ATXN2: variants seen among roughly 807,000 people sequenced by gnomAD.
The protein encoded by ATXN2 is ataxin-2.
Under a neutral mutation model 138.6 loss-of-function variants are expected in ATXN2, and 37 were observed. The ratio of observed to expected loss-of-function variants is 0.27; its 90% confidence interval spans 0.21 to 0.35. The LOEUF (loss-of-function observed/expected upper bound fraction) is 0.35, where lower values mean the gene tolerates loss of function less well. Among genes scored for constraint, ATXN2 ranks in the 10% least tolerant of loss-of-function variants. ATXN2 has a pLI of 1.00. For missense variants in ATXN2, 1,216 were observed against 1,480.3 expected (o/e 0.82, Z 2.93); for synonymous variants, 549 against 543.7 (o/e 1.01, Z -0.13).
At chr12:111,521,534 G>C (rs1880157194) in intron 6 of ATXN2, among the ~76,000 whole-genome samples, 1 of 152,170 alleles carries the variant, frequency 6.6e-6, no homozygotes, top group African/African-American at 2.4e-5. Flanking sequence ...CCTTCCTCCT[G>C]GGAATGCTCA....
At chr12:111,459,925 C>T (rs1875437420) in intron 21 of ATXN2, among the ~76,000 whole-genome samples, 1 of 152,066 alleles carries the variant, frequency 6.6e-6, no homozygotes, top group Non-Finnish European at 1.5e-5. Context: ...CCATGTTGGC[C>T]AGGCTGGTCT....
intron 5 of ATXN2, among the ~76,000 whole-genome samples, chr12:111,542,594 G>A (rs1273145406): frequency 6.6e-6 from 1 of 152,156 alleles, no homozygotes; most frequent in East Asian, 1.9e-4. Flanking sequence ...AGCCCACCAA[G>A]TAGCTGGGTT....
At chr12:111,592,874 TAA>T (rs111981578) in intron 1 of ATXN2, among the ~76,000 whole-genome samples, 3 of 140,852 alleles carry the variant, frequency 2.1e-5, no homozygotes, top group Non-Finnish European at 3.1e-5. Flanking sequence ...TTGAAATAGC[TAA>T]AAAAAAAAAT....
At chr12:111,519,788 AAAGG>A (rs1880054753) in intron 8 of ATXN2, 87 bp downstream of exon 8, 1 of 1,586,282 alleles carries the variant, frequency 6.3e-7, no homozygotes, top group Non-Finnish European at 8.6e-7. Flanking sequence ...AAGCTATATT[AAAGG>A]AAGAGGAAAT....
chr12:111,486,293 C>CG, intron 16 of ATXN2, among the ~76,000 whole-genome samples: 1 of 152,320 alleles, frequency 6.6e-6, no homozygotes, highest in Middle Eastern at 3.4e-3. Flanking sequence ...ACAACCTATG[C>CG]ATATCCTCCT....
chr12:111,460,963 T>C (rs1191129993), intron 21 of ATXN2, among the ~76,000 whole-genome samples: 1 of 152,182 alleles, frequency 6.6e-6, no homozygotes, highest in African/African-American at 2.4e-5. Flanking sequence ...AACAAAATCC[T>C]TTCCCTACCT....
chr12:111,488,318 A>T (rs1877775026), intron 15 of ATXN2, among the ~76,000 whole-genome samples, 158 bp downstream of exon 15: 1 of 152,126 alleles, frequency 6.6e-6, no homozygotes, highest in Non-Finnish European at 1.5e-5. Context: ...TTTACTTAAG[A>T]TGTCATTTGT....
chr12:111,518,386 A>T lies in ATXN2; in HGVS notation c.1028T>A (p.Val343Asp), dbSNP rs1480220238. Reference sequence around the variant, plus strand: ...CTGTCTCCCACTTCCCCAGGATATGACTTCTCTATTTCTTTGTCCAGGAGG... The same window carrying T: ...CTGTCTCCCACTTCCCCAGGATATGTCTTCTCTATTTCTTTGTCCAGGAGG... ...YIPPGQRNRE[V>D]ISWGSGRQNS... The change falls in exon 9 of 25, where the codon GTC (valine) becomes GAC (aspartate). Residue 343 changes from valine to aspartate, a missense_variant. Val to Asp is a radical substitution (Grantham distance 152). Coordinates refer to ENST00000673436, the MANE Select transcript of ATXN2 (RefSeq NM_001372574.1). 6.2e-7 allele frequency: 1 copy of T among 1,612,492 alleles called. No homozygotes were observed. Among genetic ancestry groups the T allele is most frequent in the Non-Finnish European group, 8.5e-7 (1 of 1,179,014 alleles).
Position 111,460,254 on chromosome 12 carries a change from A to T in ATXN2, c.2897-2895T>A, listed in dbSNP as rs562052754. Among the ~76,000 whole-genome samples the T allele has an allele frequency of 1.6e-3, 244 of 152,024 alleles. 1 individual carries two copies. Among genetic ancestry groups the T allele is most frequent in the South Asian group, 7.5e-3 (36 of 4,812 alleles). On this transcript the variant is annotated intron_variant, in intron 21 of 24. Coordinates refer to ENST00000673436, the MANE Select transcript of ATXN2 (RefSeq NM_001372574.1). The stretch of plus-strand genomic sequence containing the variant: ...GCCTGGCTAACTTTTTTGTATTTTT[A>T]GTAGAGACAGGGTTTCACCATGTTG...
At chr12:111,558,620 A>G (rs1028001673) in intron 1 of ATXN2, among the ~76,000 whole-genome samples, 6 of 152,120 alleles carry the variant, frequency 3.9e-5, no homozygotes, top group Non-Finnish European at 8.8e-5. Flanking sequence ...CAACAAAGCA[A>G]AACCCTGTTT....
chr12:111,490,679 GT>G (rs1437301728), intron 14 of ATXN2, among the ~76,000 whole-genome samples: 3 of 152,090 alleles, frequency 2.0e-5, no homozygotes, highest in Non-Finnish European at 2.9e-5. Flanking sequence ...ACAGTACCCA[GT>G]TTTGACATCC....
intron 6 of ATXN2, among the ~76,000 whole-genome samples, chr12:111,524,764 C>A (rs1442929396): frequency 3.9e-5 from 6 of 152,170 alleles, no homozygotes; most frequent in African/African-American, 1.4e-4. Context: ...TTAATGACAA[C>A]CTTTTCTTCA....
At chr12:111,556,128 G>T (rs1882376459) in intron 1 of ATXN2, among the ~76,000 whole-genome samples, 1 of 152,032 alleles carries the variant, frequency 6.6e-6, no homozygotes, top group African/African-American at 2.4e-5. Context: ...GTCATAGAAG[G>T]AAGCAAACTA....
chr12:111,518,187 ATTTTAAGTATTTAG>A, intron 9 of ATXN2, 48 bp downstream of exon 9: 1 of 1,380,450 alleles, frequency 7.2e-7, no homozygotes, highest in Non-Finnish European at 9.8e-7. Flanking sequence ...TATTTTAAGT[ATTTTAAGTATTTAG>A]AAAACTATTT....
chr12:111,579,400 T>A (rs2135826827), intron 1 of ATXN2, among the ~76,000 whole-genome samples: 1 of 152,140 alleles, frequency 6.6e-6, no homozygotes, highest in Admixed American at 6.6e-5. Flanking sequence ...GTAGCTAGGA[T>A]TACAGGCATG....
chr12:111,598,289 G>C lies in ATXN2; in HGVS notation c.251+495C>G, dbSNP rs376518096. 2.0e-6 allele frequency: 2 copies of C among 1,004,396 alleles called. No homozygotes were observed. Among genetic ancestry groups the C allele is most frequent in the South Asian group, 4.2e-5 (1 of 23,910 alleles). 62.2% of individuals were successfully genotyped at this position (1,004,396 alleles called of 1,614,324 possible). A position where few individuals can be genotyped will look rare whatever the true frequency, so the allele number is the denominator to read the frequency against. Reference sequence around the variant, plus strand: ...CGGTGCCTACCCCTTTAACCGGCACGGGGGACGCGGCCCTAACTTCTCCCC... The same window carrying C: ...CGGTGCCTACCCCTTTAACCGGCACCGGGGACGCGGCCCTAACTTCTCCCC... On this transcript the variant is annotated intron_variant, in intron 1 of 24. Coordinates refer to ENST00000673436, the MANE Select transcript of ATXN2 (RefSeq NM_001372574.1). The surrounding 1 kb of genome is among the most constrained non-coding windows in gnomAD (Gnocchi z 4.5).
At chr12:111,459,765 T>C (rs1442331178) in intron 21 of ATXN2, among the ~76,000 whole-genome samples, 1 of 146,328 alleles carries the variant, frequency 6.8e-6, no homozygotes, top group East Asian at 2.0e-4. Context: ...TGAGACCCAG[T>C]CTTGCTGTCA....
At chr12:111,540,696 C>CTTT (rs11462759) in intron 5 of ATXN2, among the ~76,000 whole-genome samples, 8 of 126,268 alleles carry the variant, frequency 6.3e-5, no homozygotes, top group Non-Finnish European at 1.0e-4. Context: ...ACGTCTAAGT[C>CTTT]TTTTTTTTTT....
chr12:111,458,469 A>G (rs1210270609), intron 21 of ATXN2: 1 of 152,250 alleles, frequency 6.6e-6, no homozygotes, highest in Non-Finnish European at 1.5e-5. Flanking sequence ...AATCAGAAGC[A>G]GAGTAGGATG....
Sources: allele counts gnomAD v4.1 joint callset (sites outside exome capture counted in the v4.1 genomes callset), GRCh38; gene constraint gnomAD v4.1.1; non-coding constraint Gnocchi (gnomAD v3.1); transcripts MANE v1.5; gene names NCBI Gene and HGNC (gene_info 2026-07-23, HGNC 2026-07-21).